Variants in TLR9 observed in about 807,000 individuals in gnomAD.
TLR9 encodes toll-like receptor 9.
A neutral mutation model predicts 24.6 loss-of-function variants in TLR9; 19 were observed. The observed-to-expected ratio is 0.77, with a 90% CI of 0.54 to 1.13. The LOEUF (loss-of-function observed/expected upper bound fraction) is 1.13. Among genes scored for constraint, TLR9 ranks in the 50% most tolerant of loss-of-function variants. The probability of loss-of-function intolerance (pLI) is 0.00; values close to 1 mark genes in which losing one functional copy is unlikely to be tolerated. For synonymous variants in TLR9, 579 were observed against 609.8 expected, an observed-to-expected ratio of 0.95 and a Z score of 0.74; for missense variants, 1,065 against 1,379.6, an observed-to-expected ratio of 0.77 and a Z score of 3.61.
Position 52,222,495 on chromosome 3 carries a change from G to A in TLR9, c.1821C>T (p.Gly607=). ...CGGCCCACATATGGCCCAGTGCATT[G>A]CCGCTGAAGTCCAGGGCCCGCAGCG... ...STSLRALDFS[G]NALGHMWAEG... Residue 607 remains glycine, a synonymous_variant, in exon 2 of 2, where the codon GGC becomes GGT. Transcript: ENST00000360658. 6.2e-7 allele frequency: 1 copy of A among 1,614,246 alleles called. No individual in the cohort carries two copies. Among genetic ancestry groups the A allele is most frequent in the Non-Finnish European group, 8.5e-7 (1 of 1,180,036 alleles).
chr3:52,223,495 TG>T lies in TLR9; in HGVS notation c.820del (p.Gln274SerfsTer10). The T allele has an allele frequency of 6.4e-7, 1 of 1,556,838 alleles. No individual in the cohort carries two copies. Among genetic ancestry groups the T allele is most frequent in the African/African-American group, 1.4e-5 (1 of 73,296 alleles). On this transcript the variant is annotated frameshift_variant, in exon 2 of 2. Coordinates refer to ENST00000360658, the MANE Select transcript of TLR9 (RefSeq NM_017442.4). LOFTEE classifies it low-confidence loss of function (END_TRUNC). ...PCMECPRHFPQLHPDTFSHLS... is the reference protein window; with the variant it reads ...PCMECPRHFPXLHPDTFSHLS... ...GTGGCTGAAGGTATCGGGATGTAGC[TG>T]GGGGAAGTGACGAGGGCACTCCATG...
At chr3:52,224,368 C>T (rs1699600881) in intron 1 of TLR9, 56 bp from the exon 2 acceptor site, 5 of 1,367,244 alleles carry the variant, frequency 3.7e-6, no homozygotes, top group Non-Finnish European at 5.1e-6. Context: ...CCTCCACCCA[C>T]TCCACTTCAT....
At position 52,225,612 on chromosome 3, in the gene TLR9, C is replaced by G. The variant is rs1234694106; in HGVS notation, c.-83G>C. ...GGGAAGGATGCTTCACACTCGAGGT[C>G]CCTTCCCACAGGGGCAGCAGCGGCT... On this transcript the variant is annotated 5_prime_UTR_variant, in exon 1 of 2. Transcript: ENST00000360658. 1.3e-6 allele frequency: 2 copies of G among 1,557,126 alleles called. No individual in the cohort carries two copies. The highest frequency in any genetic ancestry group is 4.1e-5 in the Admixed American group (2 of 49,246).
In TLR9 at chr3:52,223,504, T is replaced by C. The variant is rs200060595; in HGVS notation, c.812A>G (p.His271Arg). 3.0e-5 allele frequency: 47 copies of C among 1,551,260 alleles called. No homozygotes were observed. Among genetic ancestry groups the C allele is most frequent in the Non-Finnish European group, 3.9e-5 (45 of 1,148,100 alleles). Residue 271 changes from histidine (H) to arginine (R), a missense_variant, in exon 2 of 2, where the codon CAC becomes CGC. By Grantham distance (29) the His-to-Arg change is conservative. Transcript: ENST00000360658. ...APNPCMECPR[H>R]FPQLHPDTFS... ...GGTATCGGGATGTAGCTGGGGGAAG[T>C]GACGAGGGCACTCCATGCAGGGGTT...
Position 52,223,453 on chromosome 3 carries a change from C to A in TLR9, c.863G>T (p.Gly288Val), listed in dbSNP as rs1699586071. ...DTFSHLSRLEGLVLKDSSLSW... is the reference protein window; with the variant it reads ...DTFSHLSRLEVLVLKDSSLSW... ...GAGAGAACTGTCCTTCAACACCAGG[C>A]CTTCAAGACGGCTCAGGTGGCTGAA... The change falls in exon 2 of 2, where the codon GGC becomes GTC. Residue 288 changes from glycine (G) to valine (V), a missense_variant. Gly to Val is a moderately radical substitution (Grantham distance 109). Coordinates refer to ENST00000360658, the MANE Select transcript of TLR9 (RefSeq NM_017442.4). 1 of 1,589,522 alleles carries A rather than the reference C, an allele frequency of 6.3e-7. No homozygotes were observed. The highest frequency in any genetic ancestry group is 1.1e-5 in the South Asian group (1 of 87,640).
In TLR9 at chr3:52,223,153, G is replaced by A; in HGVS notation, c.1163C>T (p.Ala388Val). ...CAGAGTCTGGAGCATGGGCAGGCGG[G>A]CCAGTGGCCGGAGCGTGGTCTCATC... ...SLDETTLRPL[A>V]RLPMLQTLRL... The change falls in exon 2 of 2, where the codon GCC becomes GTC. Residue 388 changes from alanine to valine, a missense_variant. Physicochemically the swap from Ala to Val is moderately conservative, Grantham distance 64. Transcript: ENST00000360658. 1 of 1,613,970 alleles carries A rather than the reference G, an allele frequency of 6.2e-7. No individual in the cohort carries two copies. The highest frequency in any genetic ancestry group is 8.5e-7 in the Non-Finnish European group (1 of 1,179,938).
At chr3:52,225,309 C>G (rs1699609445) in intron 1 of TLR9, among the ~76,000 whole-genome samples, 1 of 151,288 alleles carries the variant, frequency 6.6e-6, no homozygotes, top group Non-Finnish European at 1.5e-5. Context: ...AGCCACTGCA[C>G]TCCAGCCTGG....
intron 1 of TLR9, 94 bp downstream of exon 1, chr3:52,225,433 C>A: frequency 1.3e-6 from 2 of 1,544,294 alleles, no homozygotes; most frequent in Non-Finnish European, 1.8e-6. Flanking sequence ...GGGTGACAAC[C>A]CGTCACTGTT....
Position 52,224,316 on chromosome 3 carries a change from T to G in TLR9, c.4-4A>C. 1 of 1,565,584 alleles carries G rather than the reference T, an allele frequency of 6.4e-7. No individual in the cohort carries two copies. Among genetic ancestry groups the G allele is most frequent in the Non-Finnish European group, 8.7e-7 (1 of 1,155,722 alleles). ...GCAGGGCGCTGCGGCAGAAACCCTGTGGGGGTGGGAGGGCTGTGTGAGTGG... is the reference window on the plus strand; with the variant it reads ...GCAGGGCGCTGCGGCAGAAACCCTGGGGGGGTGGGAGGGCTGTGTGAGTGG... On this transcript the variant is annotated splice_region_variant and splice_polypyrimidine_tract_variant and intron_variant, in intron 1 of 1. Coordinates refer to ENST00000360658, the MANE Select transcript of TLR9 (RefSeq NM_017442.4).
In TLR9 at chr3:52,221,096, T is replaced by G; in HGVS notation, c.*121A>C. 3.4e-6 allele frequency: 3 copies of G among 889,708 alleles called. No individual in the cohort carries two copies. Among genetic ancestry groups the G allele is most frequent in the Non-Finnish European group, 5.0e-6 (3 of 599,730 alleles). The allele number at this position is 889,708 out of a possible 1,614,324, so 55.1% of individuals were successfully genotyped here. On this transcript the variant is annotated 3_prime_UTR_variant, in exon 2 of 2. Coordinates refer to ENST00000360658, the MANE Select transcript of TLR9 (RefSeq NM_017442.4). The surrounding 1 kb of genome is among the most constrained non-coding windows in gnomAD (Gnocchi z 9.9). Reference sequence around the variant, plus strand: ...TTAGCCATCTAGCCTTCGGTAGCATTTATTGAGTGCCTGCTCTGTGTCAGG... The same window carrying G: ...TTAGCCATCTAGCCTTCGGTAGCATGTATTGAGTGCCTGCTCTGTGTCAGG...
At chr3:52,224,959 C>T (rs1699606787) in intron 1 of TLR9, among the ~76,000 whole-genome samples, 1 of 152,208 alleles carries the variant, frequency 6.6e-6, no homozygotes, top group African/African-American at 2.4e-5. Context: ...AGCTACAGGC[C>T]CAGTGAGACC....
In TLR9 at chr3:52,223,431, A is replaced by G. The variant is rs1237534938; in HGVS notation, c.885T>C (p.Ser295=). 1 of 1,606,536 alleles carries G rather than the reference A, an allele frequency of 6.2e-7. No homozygotes were observed. Residue 295 remains serine (S), a synonymous_variant, in exon 2 of 2, where the codon TCT becomes TCC. Transcript: ENST00000360658. The part of the protein sequence containing the change: ...RLEGLVLKDS[S]LSWLNASWFR... ...ACCAACTGGCATTCAGCCAGGAGAG[A>G]GAACTGTCCTTCAACACCAGGCCTT... is the stretch of plus-strand genomic sequence containing the variant.
In TLR9 at chr3:52,221,249, G is replaced by A. The variant is rs200896211; in HGVS notation, c.3067C>T (p.Arg1023Trp). The change falls in exon 2 of 2, where the codon CGG becomes TGG. Residue 1023 changes from arginine (R) to tryptophan (W), a missense_variant. Physicochemically the swap from Arg to Trp is moderately radical, Grantham distance 101. Coordinates refer to ENST00000360658, the MANE Select transcript of TLR9 (RefSeq NM_017442.4). This position sits in a 1 kb window ranked among gnomAD's most constrained non-coding sequence, Gnocchi z 9.9. The stretch of plus-strand genomic sequence containing the variant: ...GCCGTGGGTCCCTGGCAGAAGTTCC[G>A]GTTATAGAAGTGGTGGTTGTCCCTG... Reference protein sequence around the residue: ...LTRDNHHFYNRNFCQGPTAE With the variant: ...LTRDNHHFYNWNFCQGPTAE The A allele has an allele frequency of 3.2e-5, 49 of 1,514,338 alleles. No individual in the cohort carries two copies. Among genetic ancestry groups the A allele is most frequent in the Admixed American group, 2.1e-4 (9 of 43,854 alleles). The allele number at this position is 1,514,338 out of a possible 1,614,324, so 93.8% of individuals were successfully genotyped here.
rs352140 is a variant in TLR9 at position 52,222,681 on chromosome 3, C to A, written c.1635G>T (p.Pro545=). The A allele has an allele frequency of 1.4e-5, 23 of 1,612,914 alleles. No homozygotes were observed. Among genetic ancestry groups the A allele is most frequent in the Non-Finnish European group, 2.0e-5 (23 of 1,179,298 alleles). ...LYHEHSFTEL[P]RLEALDLSYN... ...AGCTGAGGTCCAGGGCCTCCAGTCG[C>A]GGTAGCTCCGTGAATGAGTGCTCGT... The change falls in exon 2 of 2, where the codon CCG becomes CCT. Residue 545 remains proline (P), a synonymous_variant. Transcript: ENST00000360658.
At chr3:52,225,425 G>T in intron 1 of TLR9, 102 bp downstream of exon 1, 1 of 1,498,288 alleles carries the variant, frequency 6.7e-7, no homozygotes, top group South Asian at 1.2e-5. Flanking sequence ...GGCCATGTGG[G>T]TGACAACCCG....
chr3:52,221,131 A>G lies in TLR9; in HGVS notation c.*86T>C. On this transcript the variant is annotated 3_prime_UTR_variant, in exon 2 of 2. Coordinates refer to ENST00000360658, the MANE Select transcript of TLR9 (RefSeq NM_017442.4). The surrounding 1 kb of genome is among the most constrained non-coding windows in gnomAD (Gnocchi z 9.9). Reference sequence around the variant, plus strand: ...CCTGCTCTGTGTCAGGTGTGGGGTGAGGGAGGCGAGCAGGGGAGGGTCAGA... The same window carrying G: ...CCTGCTCTGTGTCAGGTGTGGGGTGGGGGAGGCGAGCAGGGGAGGGTCAGA... 7.9e-7 allele frequency: 1 copy of G among 1,260,490 alleles called. No individual in the cohort carries two copies. Among genetic ancestry groups the G allele is most frequent in the Non-Finnish European group, 1.1e-6 (1 of 916,418 alleles). 78.1% of individuals were successfully genotyped at this position (1,260,490 alleles called of 1,614,324 possible). A position where few individuals can be genotyped will look rare whatever the true frequency, so the allele number is the denominator to read the frequency against.
intron 1 of TLR9, among the ~76,000 whole-genome samples, chr3:52,224,744 C>T (rs898247161): frequency 1.3e-5 from 2 of 152,244 alleles, no homozygotes; most frequent in African/African-American, 4.8e-5. Context: ...ACAACCCCTT[C>T]CTTTTCCTTC....
At position 52,221,947 on chromosome 3, in the gene TLR9, C is replaced by T. The variant is rs746020265; in HGVS notation, c.2369G>A (p.Cys790Tyr). 2 of 1,611,724 alleles carry T rather than the reference C, an allele frequency of 1.2e-6. No individual in the cohort carries two copies. The highest frequency in any genetic ancestry group is 2.7e-5 in the African/African-American group (2 of 74,934). Residue 790 changes from cysteine (C) to tyrosine (Y), a missense_variant, in exon 2 of 2, where the codon TGT (cysteine) becomes TAT (tyrosine). Cys to Tyr is a radical substitution (Grantham distance 194). Transcript: ENST00000360658. This position sits in a 1 kb window ranked among gnomAD's most constrained non-coding sequence, Gnocchi z 9.9. ...GCCCTGGAGCTGGCCCGGACTGCCA[C>T]ACTTCACCCGGCTGGGCAGACCGGG... ...AVPGLPSRVK[C>Y]GSPGQLQGLS...
rs765355058 is a variant in TLR9 at position 52,222,340 on chromosome 3, C to T, written c.1976G>A (p.Arg659His). 1.7e-5 allele frequency: 28 copies of T among 1,614,068 alleles called. No individual in the cohort carries two copies. The highest frequency in any genetic ancestry group is 6.7e-5 in the African/African-American group (5 of 74,924). Residue 659 changes from arginine (R) to histidine (H), a missense_variant, in exon 2 of 2, where the codon CGT becomes CAT. By Grantham distance (29) the Arg-to-His change is conservative (BLOSUM62 0). Transcript: ENST00000360658. Reference sequence around the variant, plus strand: ...GAAGGCCAGGTAATTGTCACGGAGACGCAGCACCTGTAGGCTCTTGGGGAG... The same window carrying T: ...GAAGGCCAGGTAATTGTCACGGAGATGCAGCACCTGTAGGCTCTTGGGGAG... ...RNLPKSLQVL[R>H]LRDNYLAFFK...
Sources: allele counts gnomAD v4.1 joint callset (sites outside exome capture counted in the v4.1 genomes callset), GRCh38; gene constraint gnomAD v4.1.1; non-coding constraint Gnocchi (gnomAD v3.1); transcripts MANE v1.5; gene names NCBI Gene and HGNC (gene_info 2026-07-23, HGNC 2026-07-21).